The following NAV3 variants were observed in gnomAD, a reference collection of about 807,000 sequenced individuals.
The protein encoded by NAV3 is pore membrane and/or filament interacting like protein 1.
Under a neutral mutation model 244.7 loss-of-function variants are expected in NAV3, and 87 were observed. The ratio of observed to expected loss-of-function variants is 0.36; its 90% confidence interval spans 0.30 to 0.42. The LOEUF (loss-of-function observed/expected upper bound fraction) is 0.42. NAV3 is among the 20% of genes least tolerant of loss of function. The probability of loss-of-function intolerance (pLI) is 1.00; values close to 1 mark genes in which losing one functional copy is unlikely to be tolerated. For synonymous variants in NAV3, 1,126 were observed against 1,042.2 expected, an observed-to-expected ratio of 1.08 and a Z score of -1.55; for missense variants, 2,663 against 2,893.3, an observed-to-expected ratio of 0.92 and a Z score of 1.83.
chr12:77,825,565 T>C (rs1244890115), intron 2 of NAV3, among the ~76,000 whole-genome samples: 1 of 152,180 alleles, frequency 6.6e-6, no homozygotes, highest in Non-Finnish European at 1.5e-5. Context: ...AAATGAAATA[T>C]GTGTCACCTA....
chr12:78,158,586 A>G (rs531644574), intron 22 of NAV3, among the ~76,000 whole-genome samples: 1 of 152,276 alleles, frequency 6.6e-6, no homozygotes, highest in South Asian at 2.1e-4. Flanking sequence ...GCTTACCTGT[A>G]TTTCCTTCAT....
At chr12:78,203,186 G>A (rs2140066135) in intron 38 of NAV3, among the ~76,000 whole-genome samples, 2 of 152,022 alleles carry the variant, frequency 1.3e-5, no homozygotes, top group African/African-American at 4.8e-5. Flanking sequence ...TCTACAATAT[G>A]TGTTTCACTC....
In NAV3 at chr12:77,657,637, G is replaced by T. The variant is rs1041242921; in HGVS notation, c.72+85371G>T. Reference sequence around the variant, plus strand: ...CCAGCATCATCCTGATACCAAAGCCGGGCAGAGATACAACCAAAAAAGAGA... The same window carrying T: ...CCAGCATCATCCTGATACCAAAGCCTGGCAGAGATACAACCAAAAAAGAGA... On this transcript the variant is annotated intron_variant, in intron 2 of 8. Transcript: ENST00000550042. Among the ~76,000 whole-genome samples, 6 of 152,112 alleles carry T rather than the reference G, an allele frequency of 3.9e-5. No individual in the cohort carries two copies. The Middle Eastern group carries it at 0.01, about 259-fold the overall frequency.
chr12:78,159,646 G>C (rs1957444439), intron 23 of NAV3, among the ~76,000 whole-genome samples: 1 of 151,838 alleles, frequency 6.6e-6, no homozygotes, highest in African/African-American at 2.4e-5. Context: ...TCCAGCCTGG[G>C]AGACAGAACA....
chr12:78,168,140 G>C (rs1468737563), intron 23 of NAV3, among the ~76,000 whole-genome samples: 1 of 151,436 alleles, frequency 6.6e-6, no homozygotes, highest in Non-Finnish European at 1.5e-5. Context: ...GGTGAGACTA[G>C]GTCTCCACAT....
chr12:77,872,419 G>C (rs561767146), intron 1 of NAV3, among the ~76,000 whole-genome samples: 2 of 152,300 alleles, frequency 1.3e-5, no homozygotes, highest in South Asian at 4.1e-4. Flanking sequence ...TTCAGAGAAA[G>C]AAGGGACTGG....
chr12:78,188,842 G>T, intron 33 of NAV3, 65 bp downstream of exon 33: 2 of 1,481,608 alleles, frequency 1.3e-6, no homozygotes, highest in Non-Finnish European at 1.8e-6. Flanking sequence ...TCTGCCCCCC[G>T]CCCCTTTTTG....
At chr12:78,072,153 A>T (rs1427168429) in intron 12 of NAV3, among the ~76,000 whole-genome samples, 2 of 149,998 alleles carry the variant, frequency 1.3e-5, no homozygotes, top group Non-Finnish European at 3.0e-5. Flanking sequence ...AACACATTCA[A>T]AAGCTAGCAG....
chr12:77,982,112 A>G (rs1050132644), intron 5 of NAV3, among the ~76,000 whole-genome samples: 2 of 152,224 alleles, frequency 1.3e-5, no homozygotes, highest in Non-Finnish European at 2.9e-5. Context: ...AACTACTTTT[A>G]TATCAAATAC....
intron 2 of NAV3, among the ~76,000 whole-genome samples, chr12:77,807,845 C>T (rs868635732): frequency 2.0e-5 from 3 of 152,066 alleles, no homozygotes; most frequent in Non-Finnish European, 2.9e-5. Context: ...TCACATAGTC[C>T]CATATTTCTT....
At chr12:77,942,397 A>G (rs1272329466) in intron 3 of NAV3, among the ~76,000 whole-genome samples, 1 of 151,694 alleles carries the variant, frequency 6.6e-6, no homozygotes, top group East Asian at 1.9e-4. Context: ...ATAAATAAAT[A>G]ATAAAATCAA....
chr12:78,149,005 C>T (rs547113421), intron 22 of NAV3, 86 bp downstream of exon 22: 1 of 1,125,850 alleles, frequency 8.9e-7, no homozygotes, highest in South Asian at 1.4e-5. Flanking sequence ...TACAAATTTT[C>T]AGTGCCTGAT....
intron 12 of NAV3, among the ~76,000 whole-genome samples, chr12:78,076,403 G>A (rs1953053021): frequency 6.6e-6 from 1 of 152,128 alleles, no homozygotes; most frequent in African/African-American, 2.4e-5. Context: ...AATTCGCCAT[G>A]TTATATTGAG....
At chr12:78,072,697 T>C (rs951696263) in intron 12 of NAV3, among the ~76,000 whole-genome samples, 2 of 138,788 alleles carry the variant, frequency 1.4e-5, no homozygotes, top group African/African-American at 2.7e-5. Flanking sequence ...GAGGCCAGCA[T>C]CATTCTGATA....
rs1252799789 is a variant in NAV3, at chr12:78,021,882, C to A, written c.2023+20C>A. On this transcript the variant is annotated intron_variant, in intron 9 of 39. Coordinates refer to ENST00000397909, the MANE Select transcript of NAV3 (RefSeq NM_001024383.2). ...TATCTGGTAAGTGACCTCATCGATG[C>A]ATAGGTCAAACCTAGGAATTTCCGT... 4 of 1,461,908 alleles carry A rather than the reference C, an allele frequency of 2.7e-6. No homozygotes were observed. Among genetic ancestry groups the A allele is most frequent in the Non-Finnish European group, 2.9e-6 (3 of 1,051,710 alleles). 90.6% of individuals were successfully genotyped at this position (1,461,908 alleles called of 1,614,324 possible). A position where few individuals can be genotyped will look rare whatever the true frequency, so the allele number is the denominator to read the frequency against.
chr12:78,054,369 AG>A (rs1011189202), intron 11 of NAV3, among the ~76,000 whole-genome samples: 3 of 152,192 alleles, frequency 2.0e-5, no homozygotes, highest in African/African-American at 7.2e-5. Flanking sequence ...TCTTAGAGAT[AG>A]GCACTATTTT....
intron 22 of NAV3, among the ~76,000 whole-genome samples, chr12:78,150,951 A>C (rs1957059675): frequency 2.0e-5 from 3 of 152,016 alleles, no homozygotes; most frequent in Admixed American, 1.3e-4. Flanking sequence ...ACAGATATGC[A>C]GATAATACAT....
At chr12:77,869,589 AACTCTT>A (rs564260031) in intron 1 of NAV3, among the ~76,000 whole-genome samples, 17 of 152,274 alleles carry the variant, frequency 1.1e-4, no homozygotes, top group Admixed American at 8.5e-4. Context: ...TAACCTCGTT[AACTCTT>A]ACTAACTTCC....
chr12:78,019,971 A>G (rs1876876332), intron 8 of NAV3, among the ~76,000 whole-genome samples: 1 of 152,212 alleles, frequency 6.6e-6, no homozygotes, highest in Non-Finnish European at 1.5e-5. Context: ...TTCAGAGTAA[A>G]GTGCTGGGTT....
Sources: gnomAD v4.1 joint callset for allele counts (sites outside exome capture counted in the v4.1 genomes callset) on GRCh38, gnomAD v4.1.1 for gene constraint, MANE v1.5 for transcripts, NCBI Gene and HGNC (gene_info 2026-07-23, HGNC 2026-07-21) for gene names.